Variants in MICAL2 observed in about 807,000 individuals in gnomAD.
MICAL2 encodes microtubule associated monooxygenase, calponin and LIM domain containing 2, also known as [F-actin]-monooxygenase MICAL2.
Under a neutral mutation model 127.3 loss-of-function variants are expected in MICAL2, and 77 were observed. The ratio of observed to expected loss-of-function variants is 0.60; its 90% CI spans 0.50 to 0.73. The LOEUF (loss-of-function observed/expected upper bound fraction) is 0.73. MICAL2 is among the 30% of genes least tolerant of loss of function. The probability of loss-of-function intolerance (pLI) is 0.00; values close to 1 mark genes in which losing one functional copy is unlikely to be tolerated. For synonymous variants in MICAL2, 570 were observed against 551.1 expected (o/e 1.03, Z -0.48); for missense variants, 1,351 against 1,434.4 (o/e 0.94, Z 0.94).
chr11:12,311,263 G>T (rs989853520), intron 29 of MICAL2, among the ~76,000 whole-genome samples: 1 of 151,908 alleles, frequency 6.6e-6, no homozygotes, highest in South Asian at 2.1e-4. Context: ...AACCCAGCTT[G>T]GTCATAATGT....
intron 2 of MICAL2, among the ~76,000 whole-genome samples, chr11:12,285,570 T>C (rs1282820141): frequency 6.6e-6 from 1 of 152,216 alleles, no homozygotes; most frequent in Non-Finnish European, 1.5e-5. Flanking sequence ...GAGGGATTGG[T>C]TAAGTCAGAT....
chr11:12,270,613 G>A (rs1237439127), intron 24 of MICAL2, among the ~76,000 whole-genome samples: 1 of 152,198 alleles, frequency 6.6e-6, no homozygotes, highest in Non-Finnish European at 1.5e-5. Flanking sequence ...TTCATTTCCT[G>A]TCTGGATGCT....
chr11:12,137,114 T>C (rs1333450444), intron 1 of MICAL2, among the ~76,000 whole-genome samples: 4 of 152,182 alleles, frequency 2.6e-5, no homozygotes, highest in Non-Finnish European at 5.9e-5. Context: ...GCACCGAGCC[T>C]GCAGCACAGG....
intron 2 of MICAL2, 192 bp from the exon 3 acceptor site, chr11:12,161,887 G>A: frequency 2.0e-6 from 1 of 498,540 alleles, no homozygotes. Context: ...GAGATTACCT[G>A]CAATGCCACA....
intron 3 of MICAL2, 39 bp from the exon 4 acceptor site, chr11:12,204,211 G>C (rs1359825543): frequency 6.3e-7 from 1 of 1,593,056 alleles, no homozygotes; most frequent in East Asian, 2.2e-5. Flanking sequence ...TGTGATGCTA[G>C]AGGTTACCAA....
chr11:12,212,055 C>T (rs1392299663), intron 6 of MICAL2, among the ~76,000 whole-genome samples: 1 of 152,140 alleles, frequency 6.6e-6, no homozygotes, highest in Non-Finnish European at 1.5e-5. Context: ...TCAAATGTCC[C>T]TCATAGACAA....
chr11:12,157,166 A>G (rs2133770047), intron 2 of MICAL2, among the ~76,000 whole-genome samples: 1 of 152,306 alleles, frequency 6.6e-6, no homozygotes, highest in African/African-American at 2.4e-5. Flanking sequence ...TCCATCATTT[A>G]TCAAAACCCT....
chr11:12,291,025 A>G (rs1361682742), downstream of MICAL2, among the ~76,000 whole-genome samples: 1 of 152,140 alleles, frequency 6.6e-6, no homozygotes, highest in Non-Finnish European at 1.5e-5. Context: ...TGAAGGCTAC[A>G]CACCCTGCAG....
At chr11:12,283,180 C>T (rs538813811) in intron 2 of MICAL2, among the ~76,000 whole-genome samples, 8 of 152,194 alleles carry the variant, frequency 5.3e-5, no homozygotes, top group African/African-American at 1.9e-4. Context: ...ATGGTAACCC[C>T]ATCACTTTAC....
In MICAL2 at chr11:12,239,428, C is replaced by T. The variant is rs761866769; in HGVS notation, c.2065-8C>T. 4.3e-6 allele frequency: 7 copies of T among 1,613,866 alleles called. No individual in the cohort carries two copies. The East Asian group carries it at 8.9e-5, about 21-fold the overall frequency. On this transcript the variant is annotated splice_region_variant and splice_polypyrimidine_tract_variant and intron_variant, in intron 16 of 27. Coordinates refer to ENST00000683283, the MANE Select transcript of MICAL2 (RefSeq NM_001282663.2). ...CCAACCATCAGTGTCCCGTTTCAAC[C>T]TTTGCAGCCTTCAAACTTTTCCAGC... is the stretch of plus-strand genomic sequence containing the variant.
chr11:12,235,980 G>A lies in MICAL2; in HGVS notation c.1996-197G>A, dbSNP rs138266362. The stretch of plus-strand genomic sequence containing the variant: ...GAGTGAGGTTCTCTCCGCTGTGCCT[G>A]AACAAAACCCTGTGACAGCATTTGT... On this transcript the variant is annotated intron_variant, in intron 15 of 27. Coordinates refer to ENST00000683283, the MANE Select transcript of MICAL2 (RefSeq NM_001282663.2). 3.8e-3 allele frequency among the ~76,000 whole-genome samples: 579 copies of A among 152,332 alleles called. 4 individuals carry two copies. The highest frequency in any genetic ancestry group is 0.013 in the African/African-American group (551 of 41,580).
chr11:12,294,360 G>C (rs370981648), downstream of MICAL2: 30 of 1,614,026 alleles, frequency 1.9e-5, no homozygotes, highest in African/African-American at 4.0e-5. Flanking sequence ...GCCTGCACTC[G>C]CTCATTCAGC....
At chr11:12,281,387 GTC>G (rs1478043806) in intron 2 of MICAL2, among the ~76,000 whole-genome samples, 1 of 152,172 alleles carries the variant, frequency 6.6e-6, no homozygotes, top group Admixed American at 6.5e-5. Context: ...GGGCCCGCAG[GTC>G]TCTCTTGCCT....
chr11:12,279,272 G>A (rs1260061770), intron 1 of MICAL2, among the ~76,000 whole-genome samples: 1 of 152,182 alleles, frequency 6.6e-6, no homozygotes, highest in Non-Finnish European at 1.5e-5. Context: ...TTTCCAACGG[G>A]AGGCTCATTG....
chr11:12,227,772 A>G (rs577475225), intron 15 of MICAL2, among the ~76,000 whole-genome samples: 1 of 152,376 alleles, frequency 6.6e-6, no homozygotes, highest in East Asian at 1.9e-4. Flanking sequence ...CTATACCAAA[A>G]TAAATACCTA....
chr11:12,220,320 T>G lies in MICAL2; in HGVS notation c.1068T>G (p.Phe356Leu). 1.9e-6 allele frequency: 3 copies of G among 1,614,238 alleles called. No individual in the cohort carries two copies. The highest frequency in any genetic ancestry group is 2.5e-6 in the Non-Finnish European group (3 of 1,180,022). ...ACTACCAGCTGCCATCCTTAGACTTTGCCATGAACCACTATGGGCAGCCTG... is the reference window on the plus strand; with the variant it reads ...ACTACCAGCTGCCATCCTTAGACTTGGCCATGAACCACTATGGGCAGCCTG... ...ATNYQLPSLDFAMNHYGQPDV... is the reference protein window; with the variant it reads ...ATNYQLPSLDLAMNHYGQPDV... Residue 356 changes from phenylalanine to leucine, a missense_variant, in exon 9 of 28, where the codon TTT becomes TTG. Transcript: ENST00000683283.
intron 10 of MICAL2, among the ~76,000 whole-genome samples, chr11:12,222,104 C>G (rs1856884051): frequency 6.6e-6 from 1 of 152,210 alleles, no homozygotes; most frequent in Admixed American, 6.5e-5. Context: ...AGCGCTGAGT[C>G]TCCTGTCCTG....
At position 12,259,798 on chromosome 11, in the gene MICAL2, G is replaced by A. The variant is rs1485970718; in HGVS notation, c.3235G>A (p.Glu1079Lys). Residue 1079 changes from glutamate to lysine, a missense_variant, in exon 26 of 28, where the codon GAG becomes AAG. Glu to Lys is a moderately conservative substitution (Grantham distance 56). Around this residue, in one of 2 missense-constraint regions of MICAL2, gnomAD observed 752 missense variants for 719.4 expected, o/e 1.05. Transcript: ENST00000683283. Reference protein sequence around the residue: ...RAELKQQREEEATWQEQEAPR... With the variant: ...RAELKQQREEKATWQEQEAPR... ...CTCATTTCCATCTCTTTCTCAGGAG[G>A]AGGCAACATGGCAAGAGCAGGAAGC... The A allele has an allele frequency of 6.5e-7, 1 of 1,539,140 alleles. No homozygotes were observed. The highest frequency in any genetic ancestry group is 8.8e-7 in the Non-Finnish European group (1 of 1,141,160).
intron 2 of MICAL2, among the ~76,000 whole-genome samples, chr11:12,283,639 G>A (rs1863794732): frequency 1.3e-5 from 2 of 152,226 alleles, no homozygotes. Flanking sequence ...TGGTGAGGTG[G>A]TGATGGCTGC....
Sources: gnomAD v4.1 joint callset for allele counts (sites outside exome capture counted in the v4.1 genomes callset) on GRCh38, gnomAD v4.1.1 for gene constraint, gnomAD v4.1.1 regional missense constraint, MANE v1.5 for transcripts, NCBI Gene and HGNC (gene_info 2026-07-23, HGNC 2026-07-21) for gene names.